The following LIPJ variants were observed in gnomAD, a reference collection of about 807,000 sequenced individuals.
LIPJ encodes the protein lipase member J.
In LIPJ, 33 loss-of-function variants were observed where a neutral mutation model predicts 39.8. The ratio of observed to expected loss-of-function variants is 0.83; its 90% CI spans 0.63 to 1.11. The LOEUF (loss-of-function observed/expected upper bound fraction) is 1.11. Among genes scored for constraint, LIPJ ranks in the 50% least tolerant of loss-of-function variants. The pLI is 0.00. For synonymous variants in LIPJ, 128 were observed against 139.2 expected (o/e 0.92, Z 0.57); for missense variants, 422 against 427.9 (o/e 0.99, Z 0.12).
the LIPJ span, among the ~76,000 whole-genome samples, chr10:88,613,506 G>A: frequency 6.6e-6 from 1 of 151,738 alleles, no homozygotes. Context: ...GATGGAGAGT[G>A]TATAGGGAAG....
chr10:88,611,520 G>A (rs903535041), downstream of LIPJ, among the ~76,000 whole-genome samples: 2 of 152,166 alleles, frequency 1.3e-5, no homozygotes, highest in Non-Finnish European at 2.9e-5. Flanking sequence ...AAAACATGAT[G>A]TAGAATAAGA....
chr10:88,589,194 T>C (rs1319605734), intron 2 of LIPJ, among the ~76,000 whole-genome samples: 1 of 151,922 alleles, frequency 6.6e-6, no homozygotes, highest in African/African-American at 2.4e-5. Flanking sequence ...CAGTGTGTAG[T>C]AAGCTACAAT....
intron 6 of LIPJ, among the ~76,000 whole-genome samples, chr10:88,595,744 T>C (rs1010587268): frequency 4.0e-5 from 6 of 151,594 alleles, no homozygotes; most frequent in African/African-American, 1.4e-4. Context: ...AATATTGATG[T>C]GTAAGTAGAT....
chr10:88,612,436 G>A, the LIPJ span, among the ~76,000 whole-genome samples: 1 of 151,978 alleles, frequency 6.6e-6, no homozygotes, highest in African/African-American at 2.4e-5. Context: ...ATACAGAATG[G>A]CAGAATGGGT....
Position 88,603,723 on chromosome 10 carries a change from A to C in LIPJ, c.795+1076A>C, listed in dbSNP as rs113787346. Among the ~76,000 whole-genome samples the C allele has an allele frequency of 2.1e-3, 325 of 152,332 alleles. 1 individual carries two copies. Among genetic ancestry groups the C allele is most frequent in the African/African-American group, 7.3e-3 (304 of 41,584 alleles). On this transcript the variant is annotated intron_variant, in intron 9 of 10. Transcript: ENST00000371939. The stretch of plus-strand genomic sequence containing the variant: ...AGGCTAATGATTATGAATGTACATT[A>C]AAGTTAATAAACACTAGGTAACTTT...
At position 88,591,468 on chromosome 10, in the gene LIPJ, T is replaced by TG; in HGVS notation, c.100_101insG (p.Tyr34Ter). The TG allele has an allele frequency of 1.2e-6, 2 of 1,601,920 alleles. No homozygotes were observed. The highest frequency in any genetic ancestry group is 1.7e-6 in the Non-Finnish European group (2 of 1,172,698). Residue 34 changes from tyrosine (Y) to a stop codon, truncating the protein, a stop_gained and frameshift_variant, in exon 4 of 11, where the codon TAT becomes TGAT. Coordinates refer to ENST00000371939, the Ensembl canonical transcript of LIPJ. LOFTEE classifies it high-confidence loss of function. ...TATCCTTGGCCTTTATAGAATTCCT[T>TG]ATTGGAGGACAGACAATAATAAAAA...
chr10:88,609,622 C>A (rs939755988), downstream of LIPJ, among the ~76,000 whole-genome samples: 19 of 152,080 alleles, frequency 1.2e-4, no homozygotes, highest in Admixed American at 3.3e-4. Context: ...GAAACCCTAC[C>A]GGGTGCAGTG....
chr10:88,583,159 A>G, upstream of LIPJ: 2 of 1,614,064 alleles, frequency 1.2e-6, no homozygotes, highest in East Asian at 2.2e-5. Context: ...GCTTCCTGTC[A>G]TCCCGGCGCC....
chr10:88,620,095 T>G, the LIPJ span, among the ~76,000 whole-genome samples: 8 of 152,186 alleles, frequency 5.3e-5, no homozygotes, highest in South Asian at 2.1e-4. Flanking sequence ...ATTTGAATTA[T>G]GGGAAAACTT....
chr10:88,589,720 C>A (rs111449862), intron 2 of LIPJ, among the ~76,000 whole-genome samples: 3,057 of 151,564 alleles, frequency 0.02, 79 homozygotes, highest in South Asian at 0.085. Context: ...TGTTCTCTTG[C>A]ATAAGGAGGA....
chr10:88,623,081 G>T, the LIPJ span, among the ~76,000 whole-genome samples: 1 of 152,136 alleles, frequency 6.6e-6, no homozygotes, highest in African/African-American at 2.4e-5. Context: ...GTCCAATGTG[G>T]CTCTTCAGCA....
chr10:88,596,330 T>A, exon 7 of LIPJ: 2 of 1,550,060 alleles, frequency 1.3e-6, no homozygotes, highest in Admixed American at 1.9e-5. Context: ...AATCAAAATA[T>A]TTTTTGCTTT....
intron 2 of LIPJ, among the ~76,000 whole-genome samples, chr10:88,588,255 A>G (rs1850973030): frequency 6.6e-6 from 1 of 151,938 alleles, no homozygotes; most frequent in East Asian, 1.9e-4. Context: ...AAGTAAAAAC[A>G]TATCAACTTA....
chr10:88,593,970 A>C (rs757356619), exon 5 of LIPJ: 1 of 1,612,160 alleles, frequency 6.2e-7, no homozygotes, highest in South Asian at 1.1e-5. Flanking sequence ...GTATACTTGC[A>C]ACATGGTTTG....
chr10:88,619,381 T>C, the LIPJ span, among the ~76,000 whole-genome samples: 8 of 151,818 alleles, frequency 5.3e-5, no homozygotes, highest in East Asian at 3.9e-4. Flanking sequence ...GTTTTGATTT[T>C]ATAATTGCCA....
At chr10:88,587,105 A>G (rs1301701526) in intron 1 of LIPJ, 161 bp from the exon 2 acceptor site, 1 of 152,080 alleles carries the variant, frequency 6.6e-6, no homozygotes, top group African/African-American at 2.4e-5. Flanking sequence ...AATGGACACT[A>G]GCGGGAAACT....
intron 8 of LIPJ, among the ~76,000 whole-genome samples, chr10:88,597,176 G>A (rs1259583652): frequency 1.3e-5 from 2 of 151,694 alleles, no homozygotes; most frequent in Non-Finnish European, 3.0e-5. Flanking sequence ...GAGAGCAGCT[G>A]ATGTGATGGG....
the LIPJ span, among the ~76,000 whole-genome samples, chr10:88,613,908 AAT>A: frequency 1.4e-5 from 2 of 148,130 alleles, no homozygotes; most frequent in Admixed American, 6.8e-5. Flanking sequence ...ATTATATAAA[AAT>A]ATGTTAAAAA....
upstream of LIPJ, chr10:88,583,214 G>C: frequency 6.2e-7 from 1 of 1,612,622 alleles, no homozygotes; most frequent in South Asian, 1.1e-5. Context: ...AGCGATCCGC[G>C]CTGAGTCTCT....
Sources: allele counts gnomAD v4.1 joint callset (sites outside exome capture counted in the v4.1 genomes callset), GRCh38; gene constraint gnomAD v4.1.1; transcripts MANE v1.5; gene names NCBI Gene and HGNC (gene_info 2026-07-23, HGNC 2026-07-21).